The following ATP9B variants were observed in gnomAD, a reference collection of about 807,000 sequenced individuals.
ATP9B encodes probable phospholipid-transporting ATPase IIB.
ATP9B carries 110 observed loss-of-function variants against 146.1 expected under a neutral mutation model. The ratio of observed to expected loss-of-function variants is 0.75; its 90% CI spans 0.65 to 0.88. The LOEUF is 0.88. Ranked by LOEUF, ATP9B falls within the 40% of genes least tolerant of loss-of-function variation. ATP9B has a pLI of 0.00. For missense variants in ATP9B, 1,499 were observed against 1,496.4 expected, an observed-to-expected ratio of 1.00 and a Z score of -0.03; for synonymous variants, 604 against 569.7, an observed-to-expected ratio of 1.06 and a Z score of -0.86.
At chr18:79,275,897 G>A (rs757742156) in intron 12 of ATP9B, among the ~76,000 whole-genome samples, 3 of 152,200 alleles carry the variant, frequency 2.0e-5, no homozygotes, top group Non-Finnish European at 4.4e-5. Flanking sequence ...TGAACTCTAT[G>A]GACAGATAAG....
chr18:79,236,733 T>A (rs540592293), intron 11 of ATP9B, among the ~76,000 whole-genome samples: 1 of 152,104 alleles, frequency 6.6e-6, no homozygotes, highest in Admixed American at 6.5e-5. Flanking sequence ...TGTCCACACC[T>A]GCCCCTTCCC....
At chr18:79,159,539 G>T (rs2147720384) in intron 7 of ATP9B, among the ~76,000 whole-genome samples, 1 of 152,224 alleles carries the variant, frequency 6.6e-6, no homozygotes, top group South Asian at 2.1e-4. Flanking sequence ...AGCTTTCTCA[G>T]TGTTTCTCCT....
intron 12 of ATP9B, among the ~76,000 whole-genome samples, chr18:79,266,404 AAAT>A (rs1422387436): frequency 7.5e-6 from 1 of 134,058 alleles, no homozygotes; most frequent in Non-Finnish European, 1.7e-5. Context: ...TATCATCAGT[AAAT>A]AATAACAGCT....
chr18:79,303,650 C>T lies in ATP9B; in HGVS notation c.1458C>T (p.Gly486=). ...TGATATTTAAGCGGCTGCACCTGGG[C>T]ACCGTGTCCTATGGCGCCGACACGA... is the stretch of plus-strand genomic sequence containing the variant. ...NEMIFKRLHL[G]TVSYGADTMD... Residue 486 remains glycine (G), a synonymous_variant, in exon 14 of 30, where the codon GGC becomes GGT. Coordinates refer to ENST00000426216, the MANE Select transcript of ATP9B (RefSeq NM_198531.5). The T allele has an allele frequency of 6.2e-7, 1 of 1,614,080 alleles. No homozygotes were observed. Among genetic ancestry groups the T allele is most frequent in the Non-Finnish European group, 8.5e-7 (1 of 1,180,000 alleles).
intron 8 of ATP9B, among the ~76,000 whole-genome samples, chr18:79,180,843 A>C (rs1430553835): frequency 6.6e-6 from 1 of 151,912 alleles, no homozygotes; most frequent in Non-Finnish European, 1.5e-5. Flanking sequence ...CAGAGGCTTA[A>C]GTGCAGTAGT....
intron 5 of ATP9B, among the ~76,000 whole-genome samples, chr18:79,141,161 T>TA (rs1371869428): frequency 1.3e-5 from 2 of 152,128 alleles, no homozygotes; most frequent in Non-Finnish European, 2.9e-5. Flanking sequence ...GCTGTTGTGA[T>TA]AGTGGGTGAG....
Position 79,377,365 on chromosome 18 carries a change from C to T in ATP9B, c.3426C>T (p.Tyr1142=). 1 of 1,609,416 alleles carries T rather than the reference C, an allele frequency of 6.2e-7. No homozygotes were observed. Among genetic ancestry groups the T allele is most frequent in the Non-Finnish European group, 8.5e-7 (1 of 1,180,016 alleles). ...YLRRKLSPPS[Y]CKLAS ...GGCGCAAGCTCTCTCCTCCCAGCTA[C>T]TGCAAGCTGGCCTCCTAAGGGGCTG... is the stretch of plus-strand genomic sequence containing the variant. The change falls in exon 30 of 30, where the codon TAC becomes TAT. Residue 1142 remains tyrosine, a synonymous_variant. Transcript: ENST00000426216.
At chr18:79,179,262 T>C (rs1176175524) in intron 8 of ATP9B, among the ~76,000 whole-genome samples, 2 of 152,138 alleles carry the variant, frequency 1.3e-5, no homozygotes, top group African/African-American at 4.8e-5. Flanking sequence ...ATTATCTTCA[T>C]TGTTTGTTCA....
chr18:79,317,040 G>A (rs6506747), intron 15 of ATP9B, among the ~76,000 whole-genome samples: 64,855 of 152,002 alleles, frequency 0.43, 14,151 homozygotes, highest in Middle Eastern at 0.55. Context: ...AGTGTTTTCT[G>A]GAGAAATATA....
chr18:79,224,988 G>C (rs143160790), intron 11 of ATP9B, among the ~76,000 whole-genome samples: 1 of 151,164 alleles, frequency 6.6e-6, no homozygotes, highest in Non-Finnish European at 1.5e-5. Context: ...ACTGCTTCTT[G>C]TCAGACAGGA....
intron 4 of ATP9B, among the ~76,000 whole-genome samples, chr18:79,122,505 AAT>A (rs2094206905): frequency 6.6e-6 from 1 of 152,214 alleles, no homozygotes; most frequent in Admixed American, 6.5e-5. Context: ...GAATCAAGGA[AAT>A]ATAGCATTTC....
chr18:79,287,480 T>C (rs935864539), intron 13 of ATP9B, among the ~76,000 whole-genome samples: 37 of 152,234 alleles, frequency 2.4e-4, no homozygotes, highest in Non-Finnish European at 4.8e-4. Context: ...TATCATTTTT[T>C]ATTGCGTCTA....
At chr18:79,322,120 T>G (rs936506296) in intron 15 of ATP9B, among the ~76,000 whole-genome samples, 1 of 152,148 alleles carries the variant, frequency 6.6e-6, no homozygotes, top group African/African-American at 2.4e-5. Flanking sequence ...TTTGGTAATG[T>G]GGAGTGTATC....
At chr18:79,126,402 A>C (rs1436541704) in intron 5 of ATP9B, 27 bp downstream of exon 5, 2 of 1,494,120 alleles carry the variant, frequency 1.3e-6, no homozygotes, top group Non-Finnish European at 1.9e-6. Flanking sequence ...AATCCTGCTT[A>C]GCGTTTGCTT....
At chr18:79,307,376 C>T in intron 15 of ATP9B, 142 bp downstream of exon 15, 1 of 1,230,976 alleles carries the variant, frequency 8.1e-7, no homozygotes, top group South Asian at 1.5e-5. Context: ...ATGTGGAAAA[C>T]TGCCCAACCT....
In ATP9B at chr18:79,191,074, A is replaced by C. The variant is rs1406223899; in HGVS notation, c.874-2109A>C. Among the ~76,000 whole-genome samples the C allele has an allele frequency of 2.0e-5, 3 of 152,040 alleles. No homozygotes were observed. In the South Asian group the frequency reaches 6.2e-4, roughly 32 times the overall value. On this transcript the variant is annotated intron_variant, in intron 8 of 29. Coordinates refer to ENST00000426216, the MANE Select transcript of ATP9B (RefSeq NM_198531.5). Reference sequence around the variant, plus strand: ...TGTCTTTATTTCACCTGTATTCTTAAAGAATATTTTTGCTGGATATTGAAT... The same window carrying C: ...TGTCTTTATTTCACCTGTATTCTTACAGAATATTTTTGCTGGATATTGAAT...
At chr18:79,340,107 C>T (rs114592774) in intron 19 of ATP9B, among the ~76,000 whole-genome samples, 3,367 of 152,162 alleles carry the variant, frequency 0.022, 127 homozygotes, top group African/African-American at 0.076. Flanking sequence ...CATGAATGAG[C>T]GAGCATATGA....
intron 7 of ATP9B, among the ~76,000 whole-genome samples, chr18:79,167,263 C>G (rs1004876279): frequency 1.3e-5 from 2 of 152,134 alleles, no homozygotes; most frequent in Admixed American, 1.3e-4. Flanking sequence ...AAGTTCTTGT[C>G]CGGCATCCAG....
At chr18:79,162,390 T>C (rs1216338325) in intron 7 of ATP9B, among the ~76,000 whole-genome samples, 1 of 152,258 alleles carries the variant, frequency 6.6e-6, no homozygotes, top group African/African-American at 2.4e-5. Flanking sequence ...TTCATCACTT[T>C]CTTAATTCAG....
Sources: allele counts gnomAD v4.1 joint callset (sites outside exome capture counted in the v4.1 genomes callset), GRCh38; gene constraint gnomAD v4.1.1; transcripts MANE v1.5; gene names NCBI Gene and HGNC (gene_info 2026-07-23, HGNC 2026-07-21).